STXBP5L: variants seen among roughly 807,000 people sequenced by gnomAD.
STXBP5L encodes the protein syntaxin-binding protein 5-like.
A neutral mutation model predicts 144.5 loss-of-function variants in STXBP5L; 65 were observed. The observed-to-expected ratio is 0.45, with a 90% CI of 0.37 to 0.55. The LOEUF is 0.55. STXBP5L is among the 20% of genes least tolerant of loss of function. The pLI, the probability that STXBP5L is intolerant of heterozygous loss-of-function variation, is 0.00. For synonymous variants in STXBP5L, 505 were observed against 469.6 expected, an observed-to-expected ratio of 1.08 and a Z score of -0.97; for missense variants, 1,298 against 1,405.5, an observed-to-expected ratio of 0.92 and a Z score of 1.22.
chr3:121,397,009 AT>A (rs768960833), intron 22 of STXBP5L, among the ~76,000 whole-genome samples: 17 of 152,250 alleles, frequency 1.1e-4, no homozygotes, highest in Non-Finnish European at 1.9e-4. Context: ...CAATACCTCA[AT>A]TACAGCTACA....
intron 22 of STXBP5L, among the ~76,000 whole-genome samples, chr3:121,389,058 C>T (rs574156388): frequency 2.3e-4 from 35 of 152,300 alleles, no homozygotes; most frequent in African/African-American, 8.4e-4. Flanking sequence ...ATTATTGCCT[C>T]AATCTCAGAG....
At chr3:121,412,185 G>A (rs1281084657) in intron 23 of STXBP5L, among the ~76,000 whole-genome samples, 1 of 152,066 alleles carries the variant, frequency 6.6e-6, no homozygotes, top group Non-Finnish European at 1.5e-5. Flanking sequence ...AAAGTTTGAT[G>A]GAGAGAAAAC....
chr3:121,351,239 G>T (rs1293613298), intron 20 of STXBP5L, among the ~76,000 whole-genome samples: 1 of 152,144 alleles, frequency 6.6e-6, no homozygotes. Context: ...GACCCTGTTT[G>T]CCTGGGTATC....
intron 20 of STXBP5L, among the ~76,000 whole-genome samples, chr3:121,352,036 G>T (rs915095203): frequency 6.6e-6 from 1 of 151,978 alleles, no homozygotes; most frequent in South Asian, 2.1e-4. Context: ...CTGTTCCATT[G>T]GTCTATATCT....
intron 18 of STXBP5L, among the ~76,000 whole-genome samples, chr3:121,264,632 A>G (rs2050495366): frequency 1.3e-5 from 2 of 152,128 alleles, no homozygotes; most frequent in African/African-American, 4.8e-5. Flanking sequence ...AACAATATTA[A>G]CCTTAAATGT....
intron 10 of STXBP5L, among the ~76,000 whole-genome samples, chr3:121,216,946 T>C (rs2048798466): frequency 6.6e-6 from 1 of 152,156 alleles, no homozygotes; most frequent in South Asian, 2.1e-4. Context: ...GTGGGCTCTG[T>C]CCAGGTCGAA....
intron 9 of STXBP5L, among the ~76,000 whole-genome samples, chr3:121,192,976 T>C (rs2108174654): frequency 6.7e-6 from 1 of 149,412 alleles, no homozygotes; most frequent in South Asian, 2.2e-4. Context: ...ACAAATGGGA[T>C]CTAATTAAAC....
At chr3:121,098,792 G>A (rs1261253803) in intron 5 of STXBP5L, among the ~76,000 whole-genome samples, 1 of 152,148 alleles carries the variant, frequency 6.6e-6, no homozygotes, top group Non-Finnish European at 1.5e-5. Flanking sequence ...TCCCTACAAG[G>A]AATCCAGTTT....
At chr3:121,164,154 A>C (rs2046418967) in intron 9 of STXBP5L, among the ~76,000 whole-genome samples, 1 of 152,108 alleles carries the variant, frequency 6.6e-6, no homozygotes, top group Admixed American at 6.6e-5. Context: ...ATCTTTTTCT[A>C]TCTCTTTATA....
intron 3 of STXBP5L, among the ~76,000 whole-genome samples, chr3:120,984,290 C>T (rs1279258638): frequency 6.6e-6 from 1 of 152,162 alleles, no homozygotes; most frequent in African/African-American, 2.4e-5. Context: ...AATGGCTTCT[C>T]TTGATTTTAT....
chr3:121,352,604 A>G (rs1350984807), intron 20 of STXBP5L, among the ~76,000 whole-genome samples: 1 of 151,996 alleles, frequency 6.6e-6, no homozygotes, highest in Non-Finnish European at 1.5e-5. Context: ...GGGTTTTCTA[A>G]ATATACAATC....
At chr3:121,212,695 AG>A (rs1376404267) in intron 10 of STXBP5L, among the ~76,000 whole-genome samples, 2 of 152,116 alleles carry the variant, frequency 1.3e-5, no homozygotes, top group Admixed American at 1.3e-4. Flanking sequence ...TTGGCTATAC[AG>A]GCTCTTTTTT....
intron 20 of STXBP5L, among the ~76,000 whole-genome samples, chr3:121,354,038 T>C (rs888557722): frequency 3.9e-5 from 6 of 152,218 alleles, no homozygotes; most frequent in Non-Finnish European, 7.3e-5. Context: ...TGCACTGTGG[T>C]CTGAGAGACA....
Position 121,420,248 on chromosome 3 carries a change from C to T in STXBP5L, c.*1151C>T, listed in dbSNP as rs761250888. On this transcript the variant is annotated 3_prime_UTR_variant, in exon 27 of 27. Transcript: ENST00000471454. The stretch of plus-strand genomic sequence containing the variant: ...AGGGCTTTCCTTAGAAAATACCTTT[C>T]GGTTTGATACTTACCACTGGAAATT... 13 of 152,116 alleles carry T rather than the reference C, an allele frequency of 8.5e-5. No homozygotes were observed. Among genetic ancestry groups the T allele is most frequent in the Non-Finnish European group, 1.9e-4 (13 of 67,994 alleles). 9.4% of individuals were successfully genotyped at this position (152,116 alleles called of 1,614,324 possible). A position where few individuals can be genotyped will look rare whatever the true frequency, so the allele number is the denominator to read the frequency against.
chr3:121,316,223 T>A (rs1161486407), intron 19 of STXBP5L, among the ~76,000 whole-genome samples: 1 of 152,172 alleles, frequency 6.6e-6, no homozygotes, highest in Non-Finnish European at 1.5e-5. Context: ...CGTTGTAAAT[T>A]GGCACAAGGA....
intron 7 of STXBP5L, among the ~76,000 whole-genome samples, chr3:121,134,693 A>G (rs2045162447): frequency 1.3e-5 from 2 of 152,080 alleles, no homozygotes; most frequent in African/African-American, 4.8e-5. Flanking sequence ...GCTGAGAATG[A>G]TGGTTTCCAG....
rs555903657 is a variant in STXBP5L at position 121,007,619 on chromosome 3, T to C, written c.288-34081T>C. Among the ~76,000 whole-genome samples, 5 of 152,166 alleles carry C rather than the reference T, an allele frequency of 3.3e-5. No homozygotes were observed. In the East Asian group the frequency reaches 9.7e-4, roughly 29 times the overall value. On this transcript the variant is annotated intron_variant, in intron 3 of 26. Transcript: ENST00000471454. Reference sequence around the variant, plus strand: ...TATTCAACTCTGTTAAATCATTACTTGACGCAGCAGGAGATAACAGGATGA... The same window carrying C: ...TATTCAACTCTGTTAAATCATTACTCGACGCAGCAGGAGATAACAGGATGA...
intron 9 of STXBP5L, among the ~76,000 whole-genome samples, chr3:121,171,320 C>G (rs542214646): frequency 2.0e-5 from 3 of 152,124 alleles, no homozygotes; most frequent in Non-Finnish European, 4.4e-5. Context: ...CATCTCTCAC[C>G]ACTGCTATTC....
chr3:120,984,632 CTTTTTTTT>C lies in STXBP5L; in HGVS notation c.287+29610_287+29617del, dbSNP rs35656223. Among the ~76,000 whole-genome samples the C allele has an allele frequency of 1.3e-3, 93 of 71,968 alleles. 1 individual carries two copies. The highest frequency in any genetic ancestry group is 4.7e-3 in the African/African-American group (76 of 16,290). 47.2% of individuals were successfully genotyped at this position (71,968 alleles called of 152,430 possible). ...TGGATGCCTTTCATTTCTTTCTTTC[CTTTTTTTT>C]TTTTTTTTTTTTTTGCCTAATTGCT... On this transcript the variant is annotated intron_variant, in intron 3 of 26. Transcript: ENST00000471454.
Sources: gnomAD v4.1 joint callset for allele counts (sites outside exome capture counted in the v4.1 genomes callset) on GRCh38, gnomAD v4.1.1 for gene constraint, MANE v1.5 for transcripts, NCBI Gene and HGNC (gene_info 2026-07-23, HGNC 2026-07-21) for gene names.